Variants in RHBDD1 observed in about 807,000 individuals in gnomAD.
The protein encoded by RHBDD1 is rhomboid domain containing 1.
A neutral mutation model predicts 36.3 loss-of-function variants in RHBDD1; 38 were observed. The ratio of observed to expected loss-of-function variants is 1.05; its 90% CI spans 0.81 to 1.37. RHBDD1 has a LOEUF of 1.37. Among genes scored for constraint, RHBDD1 ranks in the 40% most tolerant of loss-of-function variants. The pLI is 0.00. For missense variants in RHBDD1, 393 were observed against 377.6 expected, an observed-to-expected ratio of 1.04 and a Z score of -0.34; for synonymous variants, 151 against 136.5, an observed-to-expected ratio of 1.11 and a Z score of -0.74.
At chr2:226,862,039 T>C (rs115462835) in intron 3 of RHBDD1, among the ~76,000 whole-genome samples, 1,628 of 152,316 alleles carry the variant, frequency 0.011, 26 homozygotes, top group South Asian at 0.043. Context: ...CATATATATA[T>C]ACACATGCAT....
chr2:226,886,204 T>C (rs1274831230), intron 5 of RHBDD1, among the ~76,000 whole-genome samples: 1 of 152,242 alleles, frequency 6.6e-6, no homozygotes, highest in Non-Finnish European at 1.5e-5. Flanking sequence ...GGATATTCTC[T>C]ATTAGTCTTG....
chr2:226,864,871 T>TAACAGCA lies in RHBDD1; in HGVS notation c.179_180insACAGCAA (p.Tyr60Ter), dbSNP rs1187034746. ...CTCCTGCCTTAGTGTGGAGAAGTGT[T>TAACAGCA]ACCAGCAAAAAGACTGGCAGCGTTT... On this transcript the variant is annotated stop_gained and frameshift_variant, in exon 4 of 9. Transcript: ENST00000392062. LOFTEE classifies it high-confidence loss of function. The TAACAGCA allele has an allele frequency of 6.8e-6, 11 of 1,614,220 alleles. No homozygotes were observed. The highest frequency in any genetic ancestry group is 9.3e-6 in the Non-Finnish European group (11 of 1,180,040).
chr2:226,954,888 C>G (rs1951685035), intron 8 of RHBDD1, among the ~76,000 whole-genome samples: 1 of 151,608 alleles, frequency 6.6e-6, no homozygotes, highest in African/African-American at 2.4e-5. Flanking sequence ...AGAGTATGTT[C>G]ATATAATACA....
chr2:226,963,149 G>A (rs542834649), intron 8 of RHBDD1, among the ~76,000 whole-genome samples: 2 of 149,610 alleles, frequency 1.3e-5, no homozygotes, highest in Admixed American at 6.8e-5. Context: ...AATCACCCCT[G>A]GTTGAGAACC....
chr2:226,802,063 C>T, the RHBDD1 span, among the ~76,000 whole-genome samples: 1 of 151,202 alleles, frequency 6.6e-6, no homozygotes, highest in African/African-American at 2.4e-5. Flanking sequence ...TACTGTACCT[C>T]TATGGGGGAA....
chr2:226,979,632 G>A (rs541104807), intron 8 of RHBDD1, among the ~76,000 whole-genome samples: 24 of 152,290 alleles, frequency 1.6e-4, no homozygotes, highest in Non-Finnish European at 3.4e-4. Flanking sequence ...CAGCAGGCTG[G>A]GTACCCTTCT....
At chr2:226,973,836 G>A (rs1047047001) in intron 8 of RHBDD1, among the ~76,000 whole-genome samples, 9 of 152,154 alleles carry the variant, frequency 5.9e-5, no homozygotes, top group South Asian at 2.1e-4. Context: ...GAACAACTCC[G>A]GAGCCCATGA....
chr2:226,887,924 A>G (rs1361907182), intron 5 of RHBDD1, among the ~76,000 whole-genome samples: 1 of 152,246 alleles, frequency 6.6e-6, no homozygotes, highest in African/African-American at 2.4e-5. Flanking sequence ...CCATTAAAGA[A>G]TAACCTTAAA....
At chr2:226,951,030 A>G (rs1252672273) in intron 8 of RHBDD1, among the ~76,000 whole-genome samples, 6 of 152,156 alleles carry the variant, frequency 3.9e-5, no homozygotes, top group African/African-American at 1.4e-4. Flanking sequence ...TCATATCTAA[A>G]AAATTATTGC....
At chr2:226,924,355 T>C (rs930346044) in intron 8 of RHBDD1, among the ~76,000 whole-genome samples, 4 of 152,182 alleles carry the variant, frequency 2.6e-5, no homozygotes, top group African/African-American at 9.6e-5. Context: ...CTCGGTACCC[T>C]ATCCTACTGT....
chr2:226,854,829 G>A (rs1311483608), intron 3 of RHBDD1, among the ~76,000 whole-genome samples: 1 of 152,148 alleles, frequency 6.6e-6, no homozygotes, highest in Non-Finnish European at 1.5e-5. Context: ...GTGGATTGAG[G>A]TGGGGGGCAC....
chr2:226,965,009 A>G (rs1387132435), intron 8 of RHBDD1, among the ~76,000 whole-genome samples: 1 of 152,244 alleles, frequency 6.6e-6, no homozygotes, highest in African/African-American at 2.4e-5. Context: ...GTAGAGCATC[A>G]TAGTGGGTTG....
intron 3 of RHBDD1, among the ~76,000 whole-genome samples, chr2:226,841,919 T>C (rs770711521): frequency 1.2e-4 from 19 of 152,190 alleles, no homozygotes; most frequent in Non-Finnish European, 2.5e-4. Context: ...ACCAACAGTG[T>C]AGTAGCATTC....
intron 8 of RHBDD1, among the ~76,000 whole-genome samples, chr2:226,956,891 C>T (rs1951823207): frequency 6.6e-6 from 1 of 152,184 alleles, no homozygotes; most frequent in East Asian, 1.9e-4. Flanking sequence ...GCCAAATCAG[C>T]CCTTATTGTG....
intron 8 of RHBDD1, among the ~76,000 whole-genome samples, chr2:226,994,602 A>G (rs1454990580): frequency 6.6e-6 from 1 of 152,156 alleles, no homozygotes; most frequent in East Asian, 1.9e-4. Flanking sequence ...GTAAACCTCT[A>G]CTTACCCGTA....
chr2:226,902,131 T>C (rs1303868070), intron 5 of RHBDD1, among the ~76,000 whole-genome samples: 1 of 152,186 alleles, frequency 6.6e-6, no homozygotes, highest in African/African-American at 2.4e-5. Flanking sequence ...AGTTGCAGGA[T>C]TGTCCCTGAA....
intron 5 of RHBDD1, among the ~76,000 whole-genome samples, chr2:226,881,282 G>C (rs1386825603): frequency 6.6e-6 from 1 of 152,056 alleles, no homozygotes; most frequent in South Asian, 2.1e-4. Flanking sequence ...ATTTGGGTGG[G>C]GACACAAAGC....
At chr2:226,803,933 G>A in the RHBDD1 span, 1 of 152,238 alleles carries the variant, frequency 6.6e-6, no homozygotes, top group Admixed American at 6.5e-5. Flanking sequence ...GTCTGAGGCA[G>A]TGCATTTTTA....
chr2:226,928,676 G>GCAA (rs1055736821), intron 8 of RHBDD1, among the ~76,000 whole-genome samples: 1 of 151,680 alleles, frequency 6.6e-6, no homozygotes, highest in Non-Finnish European at 1.5e-5. Flanking sequence ...AACAGAAATT[G>GCAA]CAACAACAAC....
Sources: gnomAD v4.1 joint callset for allele counts (sites outside exome capture counted in the v4.1 genomes callset) on GRCh38, gnomAD v4.1.1 for gene constraint, MANE v1.5 for transcripts, NCBI Gene and HGNC (gene_info 2026-07-23, HGNC 2026-07-21) for gene names.